CEBPZ: variants seen among roughly 807,000 people sequenced by gnomAD.
The protein encoded by CEBPZ is CCAAT enhancer binding protein zeta.
CEBPZ carries 78 observed loss-of-function variants against 104.5 expected under a neutral mutation model. That is an observed-to-expected ratio of 0.75 (90% CI 0.62 to 0.90). CEBPZ has a LOEUF of 0.90. CEBPZ is among the 40% of genes least tolerant of loss of function. CEBPZ has a pLI of 0.00. For synonymous variants in CEBPZ, 470 were observed against 427.0 expected (o/e 1.10, Z -1.24); for missense variants, 1,439 against 1,233.5 (o/e 1.17, Z -2.50).
At chr2:37,206,727 C>G (rs1337196699) in intron 13 of CEBPZ, among the ~76,000 whole-genome samples, 1 of 152,164 alleles carries the variant, frequency 6.6e-6, no homozygotes, top group Non-Finnish European at 1.5e-5. Flanking sequence ...CTAAATCTTA[C>G]AGGGCCTATA....
chr2:37,225,174 G>T (rs1209652935), intron 2 of CEBPZ, among the ~76,000 whole-genome samples: 1 of 152,192 alleles, frequency 6.6e-6, no homozygotes, highest in Non-Finnish European at 1.5e-5. Context: ...AAGAGTTGTG[G>T]AAAGGCTTCT....
intron 13 of CEBPZ, among the ~76,000 whole-genome samples, chr2:37,205,100 A>G (rs1407053315): frequency 2.0e-5 from 3 of 152,228 alleles, no homozygotes; most frequent in African/African-American, 7.2e-5. Flanking sequence ...TAATTTAAAT[A>G]TGTATCAGTT....
At chr2:37,227,018 C>A (rs1056349805) in intron 2 of CEBPZ, among the ~76,000 whole-genome samples, 1 of 152,120 alleles carries the variant, frequency 6.6e-6, no homozygotes, top group Admixed American at 6.5e-5. Context: ...TGAATGTGAG[C>A]GCCTCCAGGG....
rs183765812 is a variant in CEBPZ at position 37,217,816 on chromosome 2, G to T, written c.2155-779C>A. On this transcript the variant is annotated intron_variant, in intron 5 of 15. Coordinates refer to ENST00000234170, the MANE Select transcript of CEBPZ (RefSeq NM_005760.3). ...ACTCGGGAGGCTGAGGCAGGAGAAT[G>T]GTGTGAACCTGGGAGGCGGAACTTG... Among the ~76,000 whole-genome samples the T allele has an allele frequency of 3.4e-3, 518 of 151,140 alleles. 17 individuals are homozygous for T. In the East Asian group the frequency reaches 0.08, roughly 23 times the overall value.
At chr2:37,212,277 G>A (rs1677745381) in intron 11 of CEBPZ, 58 bp downstream of exon 11, 12 of 1,475,620 alleles carry the variant, frequency 8.1e-6, no homozygotes, top group East Asian at 2.3e-5. Flanking sequence ...ACTGTTCTGA[G>A]GGACAACAAT....
chr2:37,202,885 A>C lies in CEBPZ; in HGVS notation c.2944-20T>G. ...GCCAAACTTTTAAACAAAAACGATA[A>C]ATTTATTAGAAAACTAAAAATAATG... On this transcript the variant is annotated intron_variant, in intron 14 of 15. Coordinates refer to ENST00000234170, the MANE Select transcript of CEBPZ (RefSeq NM_005760.3). 1 of 1,595,300 alleles carries C rather than the reference A, an allele frequency of 6.3e-7. No individual in the cohort carries two copies. Among genetic ancestry groups the C allele is most frequent in the Non-Finnish European group, 8.5e-7 (1 of 1,170,182 alleles).
intron 13 of CEBPZ, chr2:37,209,401 A>G (rs1677646076): frequency 6.6e-6 from 1 of 152,198 alleles, no homozygotes; most frequent in African/African-American, 2.4e-5. Context: ...CTATACTACT[A>G]GGCTATTGTT....
At chr2:37,205,629 CGCATGAA>C (rs1677513604) in intron 13 of CEBPZ, among the ~76,000 whole-genome samples, 1 of 152,160 alleles carries the variant, frequency 6.6e-6, no homozygotes, top group African/African-American at 2.4e-5. Context: ...CATACAGACG[CGCATGAA>C]ACTTTTTAAA....
At chr2:37,201,961 C>A in intron 15 of CEBPZ, 58 bp from the exon 16 acceptor site, 1 of 1,516,646 alleles carries the variant, frequency 6.6e-7, no homozygotes, top group South Asian at 1.2e-5. Context: ...TTGGTGGTCC[C>A]ACAGAACATG....
intron 5 of CEBPZ, among the ~76,000 whole-genome samples, chr2:37,217,901 C>A (rs1170435935): frequency 3.7e-4 from 52 of 139,282 alleles, no homozygotes; most frequent in South Asian, 9.0e-4. Flanking sequence ...GACTCTGTCT[C>A]AAAAAAAAAA....
chr2:37,223,036 G>C, intron 3 of CEBPZ, 134 bp downstream of exon 3: 4 of 704,416 alleles, frequency 5.7e-6, no homozygotes, highest in Non-Finnish European at 9.4e-6. Context: ...TAAAATCTAG[G>C]TTTGTCCTAT....
intron 13 of CEBPZ, among the ~76,000 whole-genome samples, chr2:37,208,516 C>A (rs1677612958): frequency 6.6e-6 from 1 of 151,940 alleles, no homozygotes. Context: ...ATATGATATA[C>A]CACATAAACA....
At chr2:37,230,652 A>C (rs1012951623) in intron 1 of CEBPZ, among the ~76,000 whole-genome samples, 3 of 152,110 alleles carry the variant, frequency 2.0e-5, no homozygotes, top group Non-Finnish European at 4.4e-5. Context: ...CTCAGAGCAA[A>C]AGCCTGCCCT....
rs757321332 is a variant in CEBPZ, at chr2:37,227,531, G to T, written c.1649+13C>A. The stretch of plus-strand genomic sequence containing the variant: ...ATTATTTCATGTCTCATATTGGAAG[G>T]GTATGTTCTTACCTGTATAATGCTG... On this transcript the variant is annotated intron_variant, in intron 2 of 15. Transcript: ENST00000234170. The T allele has an allele frequency of 1.9e-6, 3 of 1,583,730 alleles. No individual in the cohort carries two copies. Among genetic ancestry groups the T allele is most frequent in the East Asian group, 4.5e-5 (2 of 44,750 alleles).
chr2:37,208,718 CCT>C (rs1327888524), intron 13 of CEBPZ, among the ~76,000 whole-genome samples: 2 of 151,986 alleles, frequency 1.3e-5, no homozygotes, highest in African/African-American at 4.8e-5. Flanking sequence ...AAGCATTCCC[CCT>C]GAGAACTGGA....
In CEBPZ at chr2:37,227,412, G is replaced by A. The variant is rs1440270731; in HGVS notation, c.1649+132C>T. 1.6e-5 allele frequency: 11 copies of A among 684,984 alleles called. 1 individual carries two copies. The Middle Eastern group carries it at 1.3e-3, about 79-fold the overall frequency. 42.4% of individuals were successfully genotyped at this position (684,984 alleles called of 1,614,324 possible). ...ATTAAGTGACTTACTTGAAGGTGGC[G>A]AGTAGCAAGCTGCTGAGGGGGCCTA... On this transcript the variant is annotated intron_variant, in intron 2 of 15. Transcript: ENST00000234170.
chr2:37,214,313 C>A (rs1161920772), intron 9 of CEBPZ, among the ~76,000 whole-genome samples: 2 of 151,994 alleles, frequency 1.3e-5, no homozygotes, highest in Non-Finnish European at 2.9e-5. Context: ...AACCAGTCAA[C>A]CAGATGAGAT....
chr2:37,228,572 G>A lies in CEBPZ; in HGVS notation c.621C>T (p.Thr207=). ...QPQDVVSKYK[T]LAQKLYQHEI... is the part of the protein sequence containing the mutation. ...CATGCTGATACAGCTTCTGAGCAAGGGTTTTGTACTTAGATACAACATCCT... is the reference window on the plus strand; with the variant it reads ...CATGCTGATACAGCTTCTGAGCAAGAGTTTTGTACTTAGATACAACATCCT... The change falls in exon 2 of 16, where the codon ACC becomes ACT. Residue 207 remains threonine (T), a synonymous_variant. Transcript: ENST00000234170. The A allele has an allele frequency of 1.2e-6, 2 of 1,614,084 alleles. No individual in the cohort carries two copies. Among genetic ancestry groups the A allele is most frequent in the Non-Finnish European group, 8.5e-7 (1 of 1,180,016 alleles).
chr2:37,228,768 T>G lies in CEBPZ; in HGVS notation c.425A>C (p.Lys142Thr), dbSNP rs1389742022. The G allele has an allele frequency of 1.2e-6, 2 of 1,613,990 alleles. No homozygotes were observed. The highest frequency in any genetic ancestry group is 1.7e-6 in the Non-Finnish European group (2 of 1,179,980). The change falls in exon 2 of 16, where the codon AAG (lysine) becomes ACG (threonine). Residue 142 changes from lysine to threonine, a missense_variant. Lys to Thr is a moderately conservative substitution (Grantham distance 78). Transcript: ENST00000234170. ...QRTSVNKVKN[K>T]NRPEPHSDEN... ...ATCAGAATGTGGTTCTGGCCTATTC[T>G]TATTTTTCACCTTATTAACTGATGT...
Sources: allele counts gnomAD v4.1 joint callset (sites outside exome capture counted in the v4.1 genomes callset), GRCh38; gene constraint gnomAD v4.1.1; transcripts MANE v1.5; gene names NCBI Gene and HGNC (gene_info 2026-07-23, HGNC 2026-07-21).